EVI5: variants seen among roughly 807,000 people sequenced by gnomAD.
The protein encoded by EVI5 is ecotropic viral integration site 5.
A neutral mutation model predicts 112.0 loss-of-function variants in EVI5; 73 were observed. The ratio of observed to expected loss-of-function variants is 0.65; its 90% CI spans 0.54 to 0.79. EVI5 has a LOEUF of 0.79. Among genes scored for constraint, EVI5 ranks in the 30% least tolerant of loss-of-function variants. The pLI, the probability that EVI5 is intolerant of heterozygous loss-of-function variation, is 0.00. For missense variants in EVI5, 900 were observed against 968.8 expected, an observed-to-expected ratio of 0.93 and a Z score of 0.94; for synonymous variants, 305 against 319.9, an observed-to-expected ratio of 0.95 and a Z score of 0.50.
chr1:92,605,219 C>A, intron 18 of EVI5, 88 bp downstream of exon 18: 1 of 880,312 alleles, frequency 1.1e-6, no homozygotes, highest in Admixed American at 2.3e-5. Flanking sequence ...GAATCACAGT[C>A]ACGAGGATAA....
At chr1:92,660,866 G>C (rs1169236691) in intron 13 of EVI5, among the ~76,000 whole-genome samples, 2 of 151,866 alleles carry the variant, frequency 1.3e-5, no homozygotes, top group Non-Finnish European at 2.9e-5. Context: ...TTGTGGTAGT[G>C]TTTCATAACT....
intron 9 of EVI5, among the ~76,000 whole-genome samples, chr1:92,689,085 G>A (rs1297456703): frequency 1.3e-5 from 2 of 152,150 alleles, no homozygotes; most frequent in Non-Finnish European, 2.9e-5. Flanking sequence ...ATAAACATAT[G>A]AAAAGATGCT....
At position 92,513,734 on chromosome 1, in the gene EVI5, C is replaced by T. The variant is rs1433470710; in HGVS notation, c.2403G>A (p.Leu801=). 1 of 1,613,652 alleles carries T rather than the reference C, an allele frequency of 6.2e-7. No homozygotes were observed. ...CCACTTGGTTGCTCTCTCTGGTCTC[C>T]AGCACACTGTCTTCTGTTTCGCTCT... ...GSESETEDSV[L]ETRESNQVVQ... Residue 801 remains leucine (L), a synonymous_variant, in exon 20 of 20, where the codon CTG becomes CTA. Coordinates refer to ENST00000684568, the MANE Select transcript of EVI5 (RefSeq NM_001350197.2).
rs1214487567 is a variant in EVI5 at position 92,636,343 on chromosome 1, G to GTTAC, written c.1393-11_1393-8dup. Reference sequence around the variant, plus strand: ...AGTTGGAACTGCATTTATGCTAAAGGTTACAGACATACACTGAAATTTCAT... The same window carrying GTTAC: ...AGTTGGAACTGCATTTATGCTAAAGGTTACTTACAGACATACACTGAAATTTCAT... On this transcript the variant is annotated splice_region_variant and splice_polypyrimidine_tract_variant and intron_variant, in intron 13 of 19. Transcript: ENST00000684568. 2 of 1,610,992 alleles carry GTTAC rather than the reference G, an allele frequency of 1.2e-6. No individual in the cohort carries two copies. Among genetic ancestry groups the GTTAC allele is most frequent in the East Asian group, 4.5e-5 (2 of 44,830 alleles).
chr1:92,784,306 A>G, intron 1 of EVI5: 1 of 985,386 alleles, frequency 1.0e-6, no homozygotes, highest in Non-Finnish European at 1.2e-6. Context: ...AAGGTGATTC[A>G]GGAATGGCTA....
intron 14 of EVI5, among the ~76,000 whole-genome samples, chr1:92,633,501 C>G (rs869187600): frequency 1.3e-5 from 2 of 151,958 alleles, no homozygotes; most frequent in Non-Finnish European, 2.9e-5. Flanking sequence ...CAACCCCTGC[C>G]TTTTTTTGTT....
At chr1:92,717,940 A>C (rs1285578088) in intron 2 of EVI5, among the ~76,000 whole-genome samples, 2 of 152,224 alleles carry the variant, frequency 1.3e-5, no homozygotes, top group Non-Finnish European at 2.9e-5. Context: ...AAAGATCAAA[A>C]GAGACAAAGA....
At chr1:92,717,272 G>A (rs986560934) in intron 2 of EVI5, among the ~76,000 whole-genome samples, 5 of 152,102 alleles carry the variant, frequency 3.3e-5, no homozygotes, top group Non-Finnish European at 7.4e-5. Flanking sequence ...TGAAATAAAG[G>A]AAAAAATGTT....
intron 7 of EVI5, 43 bp downstream of exon 7, chr1:92,695,267 C>G (rs1408470568): frequency 1.3e-6 from 2 of 1,549,658 alleles, no homozygotes; most frequent in African/African-American, 2.7e-5. Flanking sequence ...AACTCAGTGA[C>G]CCCTTTGCTC....
At chr1:92,531,611 AG>A (rs1662878180) in intron 19 of EVI5, among the ~76,000 whole-genome samples, 1 of 152,276 alleles carries the variant, frequency 6.6e-6, no homozygotes, top group African/African-American at 2.4e-5. Flanking sequence ...CCTACAAACC[AG>A]AAGAGATTGG....
chr1:92,709,304 T>C (rs1398902468), intron 2 of EVI5, among the ~76,000 whole-genome samples: 6 of 152,104 alleles, frequency 3.9e-5, no homozygotes, highest in Non-Finnish European at 5.9e-5. Flanking sequence ...AATTCAAACT[T>C]TACACTTAAG....
rs1558096700 is a variant in EVI5, at chr1:92,697,934, T to C, written c.691A>G (p.Arg231Gly). 6.2e-7 allele frequency: 1 copy of C among 1,612,760 alleles called. No individual in the cohort carries two copies. Among genetic ancestry groups the C allele is most frequent in the East Asian group, 2.2e-5 (1 of 44,812 alleles). Residue 231 changes from arginine (R) to glycine (G), a missense_variant, in exon 6 of 20, where the codon AGA becomes GGA. Transcript: ENST00000684568. ...CTTGGTTTAAAAAGTTCACGAAGTC[T>C]ATAATCTTGCATTAATTTAACAAAT... ...CVFVKLMQDYRLRELFKPSMA... is the reference protein window; with the variant it reads ...CVFVKLMQDYGLRELFKPSMA...
intron 19 of EVI5, among the ~76,000 whole-genome samples, chr1:92,523,270 C>T (rs952713018): frequency 1.3e-5 from 2 of 152,106 alleles, no homozygotes; most frequent in African/African-American, 4.8e-5. Flanking sequence ...TCACCTAGCT[C>T]TAACAATCAT....
intron 2 of EVI5, among the ~76,000 whole-genome samples, chr1:92,724,762 G>A (rs1458648345): frequency 1.3e-5 from 2 of 151,952 alleles, no homozygotes; most frequent in Admixed American, 6.6e-5. Flanking sequence ...GAGCTGTGAT[G>A]GCACCATTGC....
Position 92,698,044 on chromosome 1 carries a change from A to G in EVI5, c.640-59T>C, listed in dbSNP as rs1028224689. The G allele has an allele frequency of 4.7e-6, 7 of 1,496,728 alleles. No individual in the cohort carries two copies. The African/African-American group carries it at 6.9e-5, about 15-fold the overall frequency. The allele number at this position is 1,496,728 out of a possible 1,614,324, so 92.7% of individuals were successfully genotyped here. On this transcript the variant is annotated intron_variant, in intron 5 of 19. Coordinates refer to ENST00000684568, the MANE Select transcript of EVI5 (RefSeq NM_001350197.2). ...ATGTTCTCTGATACACAAATAAACC[A>G]ATGATATTTAAACTAAGTACACAGC...
intron 14 of EVI5, among the ~76,000 whole-genome samples, chr1:92,633,994 T>A (rs878891682): frequency 1.3e-5 from 2 of 152,244 alleles, no homozygotes; most frequent in East Asian, 3.8e-4. Flanking sequence ...TCTTTAAGAA[T>A]GTTGAATATT....
chr1:92,509,415 A>G lies in EVI5; in HGVS notation c.*4241T>C, dbSNP rs965115387. The stretch of plus-strand genomic sequence containing the variant: ...ATACCTAGTATCTAGCCAAAAAACA[A>G]ACAAACAAACAAACAAACAAAAAAG... On this transcript the variant is annotated 3_prime_UTR_variant, in exon 20 of 20. Coordinates refer to ENST00000684568, the MANE Select transcript of EVI5 (RefSeq NM_001350197.2). The G allele has an allele frequency of 6.5e-6, 1 of 152,842 alleles. No individual in the cohort carries two copies. The highest frequency in any genetic ancestry group is 6.5e-5 in the Admixed American group (1 of 15,276). 9.5% of individuals were successfully genotyped at this position (152,842 alleles called of 1,614,324 possible).
rs996604324 is a variant in EVI5 at position 92,702,230 on chromosome 1, A to C, written c.565-15T>G. 2.1e-6 allele frequency: 3 copies of C among 1,436,592 alleles called. No homozygotes were observed. Among genetic ancestry groups the C allele is most frequent in the African/African-American group, 3.0e-5 (2 of 66,946 alleles). 89.0% of individuals were successfully genotyped at this position (1,436,592 alleles called of 1,614,324 possible). A position where few individuals can be genotyped will look rare whatever the true frequency, so the allele number is the denominator to read the frequency against. ...AAAGAGTAAGCCTAAAAAGTAAAAA[A>C]AAGTTGTTCAAAATACATGGTAAGT... is the stretch of plus-strand genomic sequence containing the variant. On this transcript the variant is annotated splice_polypyrimidine_tract_variant and intron_variant, in intron 4 of 19. Coordinates refer to ENST00000684568, the MANE Select transcript of EVI5 (RefSeq NM_001350197.2).
At position 92,663,421 on chromosome 1, in the gene EVI5, T is replaced by C; in HGVS notation, c.1244A>G (p.Gln415Arg). 2 of 1,415,074 alleles carry C rather than the reference T, an allele frequency of 1.4e-6. No individual in the cohort carries two copies. Among genetic ancestry groups the C allele is most frequent in the African/African-American group, 1.4e-5 (1 of 69,472 alleles). The allele number at this position is 1,415,074 out of a possible 1,614,324, so 87.7% of individuals were successfully genotyped here. ...ACTAAAACAAAACAAAAACTATACCTGTATCAATCTATCTGCCAAGGAAGC... is the reference window on the plus strand; with the variant it reads ...ACTAAAACAAAACAAAAACTATACCCGTATCAATCTATCTGCCAAGGAAGC... ...ESASLADRLI[Q>R]GQVTRAQEAE... Residue 415 changes from glutamine to arginine, a missense_variant and splice_region_variant, in exon 12 of 20, where the codon CAG becomes CGG. By Grantham distance (43) the Gln-to-Arg change is conservative. Coordinates refer to ENST00000684568, the MANE Select transcript of EVI5 (RefSeq NM_001350197.2).
Sources: gnomAD v4.1 joint callset for allele counts (sites outside exome capture counted in the v4.1 genomes callset) on GRCh38, gnomAD v4.1.1 for gene constraint, MANE v1.5 for transcripts, NCBI Gene and HGNC (gene_info 2026-07-23, HGNC 2026-07-21) for gene names.